The following GPR26 variants were observed in gnomAD, a reference collection of about 807,000 sequenced individuals.
GPR26 encodes G protein-coupled receptor 26.
In GPR26, 15 loss-of-function variants were observed where a neutral mutation model predicts 23.1. The observed-to-expected ratio is 0.65, with a 90% CI of 0.43 to 1.00. GPR26 has a LOEUF of 1.00. Among genes scored for constraint, GPR26 ranks in the 50% least tolerant of loss-of-function variants. The pLI, the probability that GPR26 is intolerant of heterozygous loss-of-function variation, is 0.00. For synonymous variants in GPR26, 228 were observed against 222.1 expected (o/e 1.03, Z -0.24); for missense variants, 359 against 470.5 (o/e 0.76, Z 2.19).
intron 2 of GPR26, among the ~76,000 whole-genome samples, chr10:123,676,568 C>T (rs1845312961): frequency 2.0e-5 from 3 of 152,172 alleles, no homozygotes; most frequent in South Asian, 2.1e-4. Context: ...TCCCTGGAGA[C>T]CAGAATCACC....
chr10:123,667,969 C>T (rs1564729189), intron 1 of GPR26, among the ~76,000 whole-genome samples: 1 of 152,210 alleles, frequency 6.6e-6, no homozygotes, highest in Non-Finnish European at 1.5e-5. Context: ...CTGGCAGCGT[C>T]TGGACTCTGC....
intron 2 of GPR26, among the ~76,000 whole-genome samples, chr10:123,680,941 G>A (rs944468506): frequency 6.6e-6 from 1 of 150,760 alleles, no homozygotes; most frequent in African/African-American, 2.4e-5. Flanking sequence ...CCTGGTTCAA[G>A]TGATTCTCCT....
chr10:123,682,273 C>T (rs1483687023), intron 2 of GPR26, among the ~76,000 whole-genome samples: 1 of 152,162 alleles, frequency 6.6e-6, no homozygotes, highest in Non-Finnish European at 1.5e-5. Flanking sequence ...AGCTGGAGTT[C>T]CCAAGAGACC....
In GPR26 at chr10:123,688,016, C is replaced by A; in HGVS notation, c.870C>A (p.Asp290Glu). ...KCLAYSKAAS[D>E]PFVYSLLRHQ... ...TGGCGTACAGCAAGGCCGCATCCGA[C>A]CCCTTTGTGTACTCCTTACTGCGAC... The change falls in exon 3 of 3, where the codon GAC becomes GAA. Residue 290 changes from aspartate to glutamate, a missense_variant. By Grantham distance (45) the Asp-to-Glu change is conservative. Coordinates refer to ENST00000284674, the MANE Select transcript of GPR26 (RefSeq NM_153442.4). The A allele has an allele frequency of 1.2e-6, 2 of 1,614,034 alleles. No individual in the cohort carries two copies. Among genetic ancestry groups the A allele is most frequent in the Non-Finnish European group, 1.7e-6 (2 of 1,179,928 alleles).
intron 1 of GPR26, among the ~76,000 whole-genome samples, 184 bp downstream of exon 1, chr10:123,667,259 CA>C (rs1012780280): frequency 4.6e-5 from 7 of 152,126 alleles, no homozygotes; most frequent in African/African-American, 1.7e-4. Flanking sequence ...ACCAGGGCCA[CA>C]AAAAATGCGG....
At chr10:123,676,114 C>G (rs1845307731) in intron 2 of GPR26, among the ~76,000 whole-genome samples, 1 of 98,858 alleles carries the variant, frequency 1.0e-5, no homozygotes, top group Admixed American at 1.1e-4. Context: ...CTGTCCTCTA[C>G]TCACAGGAGC....
rs568094160 is a variant in GPR26 at position 123,692,767 on chromosome 10, G to A, written c.*4607G>A. 6.6e-6 allele frequency: 1 copy of A among 152,348 alleles called. No individual in the cohort carries two copies. The highest frequency in any genetic ancestry group is 6.5e-5 in the Admixed American group (1 of 15,298). 9.4% of individuals were successfully genotyped at this position (152,348 alleles called of 1,614,324 possible). ...TTATCTCTACGTTACACATCTGGGA[G>A]GATTTGAAAGTCCTGGAGACAGGGA... On this transcript the variant is annotated 3_prime_UTR_variant, in exon 3 of 3. Coordinates refer to ENST00000284674, the MANE Select transcript of GPR26 (RefSeq NM_153442.4).
At chr10:123,673,590 G>A (rs1845274419) in intron 1 of GPR26, among the ~76,000 whole-genome samples, 1 of 152,154 alleles carries the variant, frequency 6.6e-6, no homozygotes, top group Non-Finnish European at 1.5e-5. Flanking sequence ...CATCCTCAAA[G>A]CTATGTCATT....
chr10:123,675,818 A>ACGTGTGTGTGTGTGTGTGTGTGTT (rs1845300793), intron 2 of GPR26, among the ~76,000 whole-genome samples: 1 of 16,522 alleles, frequency 6.1e-5, no homozygotes, highest in African/African-American at 2.0e-4. Flanking sequence ...GTGTGTGTGT[A>ACGTGTGTGTGTGTGTGTGTGTGTT]CGTGTGTGTG....
At chr10:123,682,035 G>A (rs1845383478) in intron 2 of GPR26, among the ~76,000 whole-genome samples, 1 of 152,176 alleles carries the variant, frequency 6.6e-6, no homozygotes, top group African/African-American at 2.4e-5. Flanking sequence ...CAGCCTTTAG[G>A]CCATGCCACA....
chr10:123,669,715 G>C (rs1209853577), intron 1 of GPR26, among the ~76,000 whole-genome samples: 2 of 152,176 alleles, frequency 1.3e-5, no homozygotes, highest in Admixed American at 6.5e-5. Context: ...TCTACCTGCA[G>C]GATGTTTGGC....
Position 123,689,681 on chromosome 10 carries a change from T to G in GPR26, c.*1521T>G, listed in dbSNP as rs951660454. On this transcript the variant is annotated 3_prime_UTR_variant, in exon 3 of 3. Transcript: ENST00000284674. ...AACGGGAAGGAAGTGAAGAGTCTAT[T>G]GGTTTTTACTTCTAGGCAGTCCCAA... 1 of 152,218 alleles carries G rather than the reference T, an allele frequency of 6.6e-6. No homozygotes were observed. The highest frequency in any genetic ancestry group is 1.5e-5 in the Non-Finnish European group (1 of 68,038). The allele number at this position is 152,218 out of a possible 1,614,324, so 9.4% of individuals were successfully genotyped here.
rs187657545 is a variant in GPR26 at position 123,688,595 on chromosome 10, G to A, written c.*435G>A. The A allele has an allele frequency of 5.1e-6, 1 of 197,318 alleles. No homozygotes were observed. Among genetic ancestry groups the A allele is most frequent in the African/African-American group, 2.3e-5 (1 of 42,994 alleles). The allele number at this position is 197,318 out of a possible 1,614,324, so 12.2% of individuals were successfully genotyped here. ...GACATTTCAGCCATGCTGAAAGGGA[G>A]GCTGGCAGTGGTCATTTGGCCCGGA... On this transcript the variant is annotated 3_prime_UTR_variant, in exon 3 of 3. Transcript: ENST00000284674.
At chr10:123,676,505 C>A (rs908830412) in intron 2 of GPR26, among the ~76,000 whole-genome samples, 1 of 152,172 alleles carries the variant, frequency 6.6e-6, no homozygotes, top group African/African-American at 2.4e-5. Flanking sequence ...GGGTACCTTT[C>A]CAGTCCTTCT....
rs1845193688 is a variant in GPR26, at chr10:123,666,986, C to T, written c.579C>T (p.Leu193=). The change falls in exon 1 of 3, where the codon CTC becomes CTT. Residue 193 remains leucine, a synonymous_variant. Transcript: ENST00000284674. ...LSFVVLCCTY[L]KVLKVARFHC... ...TCGTCGTGCTCTGCTGCACGTACCT[C>T]AAGGTGCTCAAGGTGGCCCGCTTCC... The T allele has an allele frequency of 1.2e-6, 2 of 1,613,214 alleles. No homozygotes were observed. Among genetic ancestry groups the T allele is most frequent in the Non-Finnish European group, 1.7e-6 (2 of 1,179,660 alleles).
chr10:123,674,973 A>G lies in GPR26; in HGVS notation c.782+42A>G, dbSNP rs751530127. On this transcript the variant is annotated intron_variant, in intron 2 of 2. Coordinates refer to ENST00000284674, the MANE Select transcript of GPR26 (RefSeq NM_153442.4). The surrounding 1 kb of genome is among the most constrained non-coding windows in gnomAD (Gnocchi z 4.1). ...GGTGTGTCTTGGGACTTTGAAGAGT[A>G]AGGCAGGGCCCAGTGACCTTTAGCA... is the stretch of plus-strand genomic sequence containing the variant. 11 of 1,251,730 alleles carry G rather than the reference A, an allele frequency of 8.8e-6. No homozygotes were observed. Among genetic ancestry groups the G allele is most frequent in the Non-Finnish European group, 1.3e-5 (11 of 857,898 alleles). The allele number at this position is 1,251,730 out of a possible 1,614,324, so 77.5% of individuals were successfully genotyped here.
chr10:123,666,750 C>T lies in GPR26; in HGVS notation c.343C>T (p.Arg115Trp), dbSNP rs1589921479. The T allele has an allele frequency of 1.3e-6, 2 of 1,599,802 alleles. No homozygotes were observed. The highest frequency in any genetic ancestry group is 1.7e-6 in the Non-Finnish European group (2 of 1,177,136). The change falls in exon 1 of 3, where the codon CGG becomes TGG. Residue 115 changes from arginine (R) to tryptophan (W), a missense_variant. Coordinates refer to ENST00000284674, the MANE Select transcript of GPR26 (RefSeq NM_153442.4). ...WVAVVFPLSY[R>W]AKMRLRDAAL... ...GGCCGTGGTCTTCCCGCTGAGCTAC[C>T]GGGCCAAGATGCGCCTCCGCGACGC...
chr10:123,675,421 G>C (rs951455689), intron 2 of GPR26, among the ~76,000 whole-genome samples: 2 of 152,176 alleles, frequency 1.3e-5, no homozygotes, highest in African/African-American at 4.8e-5. Flanking sequence ...TGTCCAGCCA[G>C]GTGGGCATAC....
At chr10:123,669,054 C>T (rs1845221547) in intron 1 of GPR26, among the ~76,000 whole-genome samples, 1 of 152,224 alleles carries the variant, frequency 6.6e-6, no homozygotes, top group Admixed American at 6.5e-5. Context: ...CCCTCCATTC[C>T]TCTGGGAGGA....
Sources: gnomAD v4.1 joint callset for allele counts (sites outside exome capture counted in the v4.1 genomes callset) on GRCh38, gnomAD v4.1.1 for gene constraint, Gnocchi (gnomAD v3.1) non-coding constraint, MANE v1.5 for transcripts, NCBI Gene and HGNC (gene_info 2026-07-23, HGNC 2026-07-21) for gene names.